Variants in ZFPM2 observed in about 807,000 individuals in gnomAD.
ZFPM2 encodes zinc finger protein, FOG family member 2, also known as zinc finger protein ZFPM2.
ZFPM2 carries 20 observed loss-of-function variants against 98.6 expected under a neutral mutation model. The observed-to-expected ratio is 0.20, with a 90% CI of 0.14 to 0.29. The LOEUF (loss-of-function observed/expected upper bound fraction) is 0.29, where lower values mean the gene tolerates loss of function less well. Ranked by LOEUF, ZFPM2 falls within the 10% of genes least tolerant of loss-of-function variation. The pLI is 1.00. For synonymous variants in ZFPM2, 518 were observed against 502.7 expected, an observed-to-expected ratio of 1.03 and a Z score of -0.41; for missense variants, 1,310 against 1,388.6, an observed-to-expected ratio of 0.94 and a Z score of 0.90.
intron 4 of ZFPM2, among the ~76,000 whole-genome samples, chr8:105,571,131 A>T (rs1815345923): frequency 6.6e-6 from 1 of 152,246 alleles, no homozygotes. Context: ...ATCGGTGTGA[A>T]GGATGAAGAA....
At chr8:105,714,644 A>T (rs1418832167) in intron 5 of ZFPM2, among the ~76,000 whole-genome samples, 7 of 152,078 alleles carry the variant, frequency 4.6e-5, no homozygotes, top group Non-Finnish European at 8.8e-5. Context: ...TTTTATCTGT[A>T]TAATGGAAAT....
chr8:105,443,265 C>T (rs1812292048), intron 2 of ZFPM2, among the ~76,000 whole-genome samples: 1 of 143,132 alleles, frequency 7.0e-6, no homozygotes, highest in Non-Finnish European at 1.5e-5. Flanking sequence ...GCTGAAATTG[C>T]ACCATTGCAC....
At chr8:105,349,009 C>A (rs1166324365) in intron 1 of ZFPM2, among the ~76,000 whole-genome samples, 1 of 152,098 alleles carries the variant, frequency 6.6e-6, no homozygotes, top group Non-Finnish European at 1.5e-5. Context: ...ATCCATTTAT[C>A]TTCTTCAGTT....
chr8:105,626,164 G>T (rs1274292067), intron 4 of ZFPM2, among the ~76,000 whole-genome samples: 30 of 152,106 alleles, frequency 2.0e-4, no homozygotes, highest in Admixed American at 2.0e-3. Context: ...ACTAAAAGTT[G>T]TATAGTTCCA....
At chr8:105,655,473 C>T (rs1035186561) in intron 5 of ZFPM2, among the ~76,000 whole-genome samples, 9 of 152,056 alleles carry the variant, frequency 5.9e-5, no homozygotes, top group Non-Finnish European at 1.2e-4. Context: ...TCAGATAATT[C>T]GCCCACTTCA....
At chr8:105,469,331 G>A (rs1440207834) in intron 3 of ZFPM2, among the ~76,000 whole-genome samples, 1 of 152,152 alleles carries the variant, frequency 6.6e-6, no homozygotes, top group Non-Finnish European at 1.5e-5. Context: ...TTCCTGTAAT[G>A]ATCTCTTCTG....
At chr8:105,693,578 C>G (rs1210391983) in intron 5 of ZFPM2, among the ~76,000 whole-genome samples, 1 of 152,106 alleles carries the variant, frequency 6.6e-6, no homozygotes, top group Non-Finnish European at 1.5e-5. Flanking sequence ...TAAAATATTT[C>G]AAAATCAAGA....
At chr8:105,344,403 T>C (rs1347298918) in intron 1 of ZFPM2, among the ~76,000 whole-genome samples, 1 of 152,176 alleles carries the variant, frequency 6.6e-6, no homozygotes, top group Non-Finnish European at 1.5e-5. Context: ...GCTGCAATTT[T>C]TTAGGACTGC....
intron 5 of ZFPM2, among the ~76,000 whole-genome samples, chr8:105,726,753 G>A (rs1811816725): frequency 6.6e-6 from 1 of 151,738 alleles, no homozygotes; most frequent in South Asian, 2.1e-4. Flanking sequence ...GTGGCAGGAT[G>A]TGAGGGAAAG....
At chr8:105,374,899 T>G (rs1810693292) in intron 1 of ZFPM2, among the ~76,000 whole-genome samples, 1 of 152,102 alleles carries the variant, frequency 6.6e-6, no homozygotes, top group Non-Finnish European at 1.5e-5. Context: ...ATTTTTTTTT[T>G]TGGGTTCAGA....
chr8:105,518,317 CA>C (rs1282117109), intron 3 of ZFPM2, among the ~76,000 whole-genome samples: 9 of 152,104 alleles, frequency 5.9e-5, no homozygotes, highest in Non-Finnish European at 1.3e-4. Flanking sequence ...GATCTATTAA[CA>C]TAGATACAAT....
At chr8:105,459,732 T>C (rs1812668604) in intron 3 of ZFPM2, among the ~76,000 whole-genome samples, 1 of 152,140 alleles carries the variant, frequency 6.6e-6, no homozygotes, top group African/African-American at 2.4e-5. Flanking sequence ...GCATTCCTAC[T>C]GGCTTAGAGT....
At chr8:105,577,138 GTATT>G (rs1399398461) in intron 4 of ZFPM2, among the ~76,000 whole-genome samples, 1 of 152,064 alleles carries the variant, frequency 6.6e-6, no homozygotes, top group Non-Finnish European at 1.5e-5. Context: ...ACTTGACTCA[GTATT>G]TATTTAGCAT....
Position 105,318,459 on chromosome 8 carries a change from G to A in ZFPM2, c.-483G>A, listed in dbSNP as rs890656077. ...CCGCAGAACAGGAGCTGCGCGGCCC[G>A]GAGCGGCGGCGGCGGCGCCGGAGTA... On this transcript the variant is annotated 5_prime_UTR_variant, in exon 1 of 8. Transcript: ENST00000407775. Among the ~76,000 whole-genome samples the A allele has an allele frequency of 6.6e-6, 1 of 151,198 alleles. No homozygotes were observed. The highest frequency in any genetic ancestry group is 2.4e-5 in the African/African-American group (1 of 41,240).
chr8:105,449,185 C>T (rs1812437648), intron 3 of ZFPM2, among the ~76,000 whole-genome samples: 1 of 151,982 alleles, frequency 6.6e-6, no homozygotes, highest in African/African-American at 2.4e-5. Context: ...TCTGATTTGT[C>T]TGGTACAATA....
chr8:105,612,281 A>G (rs1189567918), intron 4 of ZFPM2, among the ~76,000 whole-genome samples: 1 of 152,162 alleles, frequency 6.6e-6, no homozygotes, highest in East Asian at 1.9e-4. Context: ...CATTTTTACT[A>G]TAAAATAGCT....
chr8:105,482,890 CTTCCTTCCTTCT>C (rs146848059), intron 3 of ZFPM2, among the ~76,000 whole-genome samples: 30,879 of 146,092 alleles, frequency 0.21, 3,860 homozygotes, highest in Middle Eastern at 0.34. Context: ...TCCTTCCTTC[CTTCCTTCCTTCT>C]TTCCTTCCTT....
At chr8:105,405,278 T>G (rs1376390665) in intron 1 of ZFPM2, among the ~76,000 whole-genome samples, 1 of 152,000 alleles carries the variant, frequency 6.6e-6, no homozygotes, top group African/African-American at 2.4e-5. Flanking sequence ...TTTGATTTTT[T>G]TTAATTTTAT....
At chr8:105,380,888 TAATATATATA>T (rs1286219802) in intron 1 of ZFPM2, among the ~76,000 whole-genome samples, 1 of 82,400 alleles carries the variant, frequency 1.2e-5, no homozygotes, top group East Asian at 2.9e-4. Flanking sequence ...ATATATATTA[TAATATATATA>T]ATATATAATA....
Sources: allele counts gnomAD v4.1 joint callset (sites outside exome capture counted in the v4.1 genomes callset), GRCh38; gene constraint gnomAD v4.1.1; transcripts MANE v1.5; gene names NCBI Gene and HGNC (gene_info 2026-07-23, HGNC 2026-07-21).